Variants in XYLT1 observed in about 807,000 individuals in gnomAD.
The protein encoded by XYLT1 is xylosyltransferase 1, also known as beta-D-xylosyltransferase 1.
XYLT1 carries 36 observed loss-of-function variants against 91.3 expected under a neutral mutation model. That is an observed-to-expected ratio of 0.39 (90% CI 0.30 to 0.52). The LOEUF (loss-of-function observed/expected upper bound fraction) is 0.52, where lower values mean the gene tolerates loss of function less well. Ranked by LOEUF, XYLT1 falls within the 20% of genes least tolerant of loss-of-function variation. The pLI, the probability that XYLT1 is intolerant of heterozygous loss-of-function variation, is 0.68. For missense variants in XYLT1, 1,242 were observed against 1,284.5 expected (o/e 0.97, Z 0.51); for synonymous variants, 588 against 532.0 (o/e 1.11, Z -1.45).
At chr16:17,177,059 C>T (rs1232106533) in intron 5 of XYLT1, among the ~76,000 whole-genome samples, 1 of 152,288 alleles carries the variant, frequency 6.6e-6, no homozygotes, top group African/African-American at 2.4e-5. Flanking sequence ...ACACTCTGTC[C>T]ACATAAGCCT....
intron 2 of XYLT1, among the ~76,000 whole-genome samples, chr16:17,274,075 C>T (rs1471887103): frequency 6.6e-6 from 1 of 151,766 alleles, no homozygotes; most frequent in African/African-American, 2.4e-5. Context: ...CCATGCCTGG[C>T]TAATTTTTGT....
intron 3 of XYLT1, among the ~76,000 whole-genome samples, chr16:17,202,973 C>T (rs374185676): frequency 1.3e-5 from 2 of 152,072 alleles, no homozygotes; most frequent in African/African-American, 2.4e-5. Flanking sequence ...ATTTAATCCT[C>T]GTAATGATCC....
chr16:17,400,629 G>GAGGAAGGAAGGA (rs139881259), intron 1 of XYLT1, among the ~76,000 whole-genome samples: 1,764 of 132,684 alleles, frequency 0.013, 22 homozygotes, highest in African/African-American at 0.023. Flanking sequence ...GGGAGGAAGG[G>GAGGAAGGAAGGA]AGGAAGGAAG....
At chr16:17,399,113 T>C (rs534444222) in intron 1 of XYLT1, among the ~76,000 whole-genome samples, 2 of 152,250 alleles carry the variant, frequency 1.3e-5, no homozygotes, top group South Asian at 4.1e-4. Flanking sequence ...GCAATGACCG[T>C]CTTTCCAAAC....
chr16:17,304,502 G>C lies in XYLT1; in HGVS notation c.403-45004C>G, dbSNP rs907315433. 5.9e-5 allele frequency among the ~76,000 whole-genome samples: 9 copies of C among 152,272 alleles called. No homozygotes were observed. In the South Asian group the frequency reaches 1.9e-3, roughly 32 times the overall value. ...GGACCATTTGGACCGCGCAGGGGAG[G>C]GTGTTAAAGTGATTGTAACATGTTT... is the stretch of plus-strand genomic sequence containing the variant. On this transcript the variant is annotated intron_variant, in intron 2 of 11. Transcript: ENST00000261381.
chr16:17,297,469 A>C (rs2141806397), intron 2 of XYLT1, among the ~76,000 whole-genome samples: 1 of 152,052 alleles, frequency 6.6e-6, no homozygotes, highest in Non-Finnish European at 1.5e-5. Flanking sequence ...TAATCCCAGC[A>C]CTCTAGGAAG....
chr16:17,108,364 C>CAA lies in XYLT1; in HGVS notation c.*330_*331insTT. 3.9e-6 allele frequency: 1 copy of CAA among 259,726 alleles called. No individual in the cohort carries two copies. The highest frequency in any genetic ancestry group is 2.2e-5 in the African/African-American group (1 of 45,562). The allele number at this position is 259,726 out of a possible 1,614,324, so 16.1% of individuals were successfully genotyped here. A position where few individuals can be genotyped will look rare whatever the true frequency, so the allele number is the denominator to read the frequency against. ...GCTCCGTAAACGAAGTTCTGCTGCT[C>CAA]GAAAGAAAAGTCTGAAAATCACACG... On this transcript the variant is annotated 3_prime_UTR_variant, in exon 12 of 12. Transcript: ENST00000261381.
intron 1 of XYLT1, among the ~76,000 whole-genome samples, chr16:17,378,486 T>A (rs1264788564): frequency 6.6e-6 from 1 of 152,248 alleles, no homozygotes; most frequent in Non-Finnish European, 1.5e-5. Flanking sequence ...TTTTAATATA[T>A]GACTGCATAA....
chr16:17,348,183 A>G (rs1418276000), intron 2 of XYLT1, among the ~76,000 whole-genome samples: 2 of 152,096 alleles, frequency 1.3e-5, no homozygotes, highest in African/African-American at 4.8e-5. Context: ...GACACCCAAC[A>G]TGTTTCATCT....
intron 1 of XYLT1, among the ~76,000 whole-genome samples, chr16:17,369,919 G>C (rs1021220594): frequency 6.6e-6 from 1 of 152,178 alleles, no homozygotes; most frequent in African/African-American, 2.4e-5. Context: ...GAGTTGGCCC[G>C]AGGAGCCAAA....
At chr16:17,299,702 C>T (rs1567363090) in intron 2 of XYLT1, among the ~76,000 whole-genome samples, 1 of 152,096 alleles carries the variant, frequency 6.6e-6, no homozygotes, top group Non-Finnish European at 1.5e-5. Flanking sequence ...TGAATGGGGG[C>T]CACTCATGCT....
intron 3 of XYLT1, among the ~76,000 whole-genome samples, chr16:17,206,901 C>G (rs2032657295): frequency 6.6e-6 from 1 of 152,130 alleles, no homozygotes; most frequent in African/African-American, 2.4e-5. Flanking sequence ...TCCAAAACCC[C>G]TATTTTGGAA....
chr16:17,171,080 G>A (rs1005707953), intron 5 of XYLT1, among the ~76,000 whole-genome samples: 2 of 152,164 alleles, frequency 1.3e-5, no homozygotes, highest in East Asian at 1.9e-4. Context: ...ATCAGAAGTC[G>A]GGTAATGAGT....
intron 3 of XYLT1, among the ~76,000 whole-genome samples, chr16:17,236,300 A>C (rs140601861): frequency 6.6e-6 from 1 of 152,320 alleles, no homozygotes; most frequent in East Asian, 1.9e-4. Flanking sequence ...CTAAGAGTGA[A>C]AGTGAGCATG....
intron 9 of XYLT1, among the ~76,000 whole-genome samples, chr16:17,133,846 A>G (rs545434408): frequency 5.9e-5 from 9 of 152,316 alleles, no homozygotes; most frequent in African/African-American, 2.2e-4. Flanking sequence ...GGTGGTTGAG[A>G]AGTTTCAACA....
intron 3 of XYLT1, among the ~76,000 whole-genome samples, chr16:17,212,492 G>A (rs1484832394): frequency 6.6e-6 from 1 of 151,852 alleles, no homozygotes; most frequent in African/African-American, 2.4e-5. Flanking sequence ...CGCATCTCTC[G>A]AGGTGGAAAG....
intron 2 of XYLT1, among the ~76,000 whole-genome samples, chr16:17,296,196 C>G (rs2034306892): frequency 6.6e-6 from 1 of 152,054 alleles, no homozygotes; most frequent in Non-Finnish European, 1.5e-5. Context: ...ATGGAGGTGG[C>G]TAGGGAGCAG....
At chr16:17,130,012 T>G (rs1597138836) in intron 9 of XYLT1, among the ~76,000 whole-genome samples, 1 of 152,250 alleles carries the variant, frequency 6.6e-6, no homozygotes, top group East Asian at 1.9e-4. Context: ...CAAGATGCCT[T>G]GCACATTTCT....
intron 1 of XYLT1, among the ~76,000 whole-genome samples, chr16:17,402,730 T>A (rs2035985269): frequency 6.8e-6 from 1 of 146,736 alleles, no homozygotes; most frequent in Non-Finnish European, 1.5e-5. Context: ...TACTATATCC[T>A]TTTTTTTCTT....
Sources: gnomAD v4.1 joint callset for allele counts (sites outside exome capture counted in the v4.1 genomes callset) on GRCh38, gnomAD v4.1.1 for gene constraint, MANE v1.5 for transcripts, NCBI Gene and HGNC (gene_info 2026-07-23, HGNC 2026-07-21) for gene names.